BCKDHB: variants seen among roughly 807,000 people sequenced by gnomAD.
BCKDHB encodes branched chain keto acid dehydrogenase E1 subunit beta.
Under a neutral mutation model 48.5 loss-of-function variants are expected in BCKDHB, and 41 were observed. The observed-to-expected ratio is 0.85, with a 90% CI of 0.66 to 1.10. The LOEUF is 1.10. BCKDHB is among the 50% of genes least tolerant of loss of function. The pLI is 0.00. For missense variants in BCKDHB, 496 were observed against 494.2 expected, an observed-to-expected ratio of 1.00 and a Z score of -0.03; for synonymous variants, 201 against 174.8, an observed-to-expected ratio of 1.15 and a Z score of -1.18.
At chr6:80,304,185 T>C (rs945122960) in intron 9 of BCKDHB, among the ~76,000 whole-genome samples, 2 of 152,186 alleles carry the variant, frequency 1.3e-5, no homozygotes, top group Non-Finnish European at 2.9e-5. Context: ...TGTGGTATTT[T>C]TGTACATTCT....
intron 8 of BCKDHB, among the ~76,000 whole-genome samples, chr6:80,222,702 A>G (rs777798684): frequency 3.3e-4 from 50 of 152,090 alleles, no homozygotes; most frequent in Non-Finnish European, 6.9e-4. Context: ...AATTTTTAAT[A>G]TCCTTATCTA....
At chr6:80,438,228 C>T in the BCKDHB span, among the ~76,000 whole-genome samples, 1 of 152,232 alleles carries the variant, frequency 6.6e-6, no homozygotes, top group African/African-American at 2.4e-5. Context: ...ATAATTTGCA[C>T]ACTGTTCTGC....
At chr6:80,213,668 G>GTTT (rs76968746) in intron 8 of BCKDHB, among the ~76,000 whole-genome samples, 1 of 128,400 alleles carries the variant, frequency 7.8e-6, no homozygotes, top group African/African-American at 3.1e-5. Context: ...GTTTTTTTTT[G>GTTT]TTTTTTTTTT....
At chr6:80,403,340 T>G in the BCKDHB span, among the ~76,000 whole-genome samples, 42 of 152,042 alleles carry the variant, frequency 2.8e-4, no homozygotes, top group African/African-American at 9.6e-4. Flanking sequence ...CCTAAGTATT[T>G]TTATACCATT....
chr6:80,211,248 A>G (rs1301942164), intron 8 of BCKDHB, among the ~76,000 whole-genome samples: 3 of 152,228 alleles, frequency 2.0e-5, no homozygotes, highest in African/African-American at 4.8e-5. Flanking sequence ...TTACCTGAAG[A>G]TTAAATTATG....
chr6:80,319,813 T>C (rs1368131776), intron 9 of BCKDHB, among the ~76,000 whole-genome samples: 2 of 152,206 alleles, frequency 1.3e-5, no homozygotes, highest in Non-Finnish European at 2.9e-5. Context: ...AATTATAATC[T>C]TAAATAAAAG....
intron 6 of BCKDHB, among the ~76,000 whole-genome samples, chr6:80,178,064 T>C (rs1319989705): frequency 1.3e-5 from 2 of 152,190 alleles, no homozygotes; most frequent in African/African-American, 2.4e-5. Flanking sequence ...TCTTACCCAA[T>C]GTGGTTCTGA....
At chr6:80,460,912 T>C in the BCKDHB span, among the ~76,000 whole-genome samples, 4 of 152,154 alleles carry the variant, frequency 2.6e-5, no homozygotes, top group Non-Finnish European at 4.4e-5. Context: ...AACTCTTCCT[T>C]GGCATCTGAG....
chr6:80,403,045 A>G, the BCKDHB span, among the ~76,000 whole-genome samples: 2 of 151,238 alleles, frequency 1.3e-5, no homozygotes, highest in African/African-American at 4.8e-5. Context: ...TGAGGTGCCT[A>G]TAGCTTCGTT....
rs565044068 is a variant in BCKDHB at position 80,132,999 on chromosome 6, A to G, written c.343+3770A>G. ...AATTTGTATTTAAAATAACTAAAAGATTATGTTGATATAGTTCAATATAAC... is the reference window on the plus strand; with the variant it reads ...AATTTGTATTTAAAATAACTAAAAGGTTATGTTGATATAGTTCAATATAAC... On this transcript the variant is annotated intron_variant, in intron 3 of 9. Transcript: ENST00000320393. Among the ~76,000 whole-genome samples the G allele has an allele frequency of 2.7e-3, 411 of 152,318 alleles. 2 individuals are homozygous for G. Among genetic ancestry groups the G allele is most frequent in the African/African-American group, 9.1e-3 (380 of 41,566 alleles).
At chr6:80,293,232 G>A (rs1475071308) in intron 9 of BCKDHB, among the ~76,000 whole-genome samples, 1 of 152,210 alleles carries the variant, frequency 6.6e-6, no homozygotes, top group African/African-American at 2.4e-5. Context: ...TTCTCCCGGA[G>A]GGTTCTACCT....
intron 3 of BCKDHB, among the ~76,000 whole-genome samples, chr6:80,133,049 A>AT (rs1770711159): frequency 6.6e-6 from 1 of 152,200 alleles, no homozygotes; most frequent in African/African-American, 2.4e-5. Context: ...GCATTAAATG[A>AT]CATAGCAAAG....
the BCKDHB span, among the ~76,000 whole-genome samples, chr6:80,383,350 T>G: frequency 6.6e-6 from 1 of 152,174 alleles, no homozygotes; most frequent in African/African-American, 2.4e-5. Context: ...ATAATAGCAC[T>G]GTTCTATAAT....
chr6:80,267,764 G>A (rs535799423), intron 8 of BCKDHB, among the ~76,000 whole-genome samples: 41 of 152,154 alleles, frequency 2.7e-4, no homozygotes, highest in African/African-American at 8.9e-4. Context: ...ACAAATCATT[G>A]AGGAAAAAAT....
intron 9 of BCKDHB, among the ~76,000 whole-genome samples, chr6:80,280,646 T>TA (rs146640958): frequency 0.11 from 16,524 of 152,178 alleles, 1,113 homozygotes; most frequent in South Asian, 0.25. Context: ...TGTATATAAA[T>TA]AAAAATATAT....
chr6:80,246,194 T>C (rs540441559), intron 8 of BCKDHB, among the ~76,000 whole-genome samples: 1 of 152,330 alleles, frequency 6.6e-6, no homozygotes, highest in East Asian at 1.9e-4. Context: ...GTGAAAATTG[T>C]AAATTGTTAA....
rs1777648809 is a variant in BCKDHB, at chr6:80,269,557, C to T, written c.952-3578C>T. Among the ~76,000 whole-genome samples the T allele has an allele frequency of 2.0e-5, 3 of 151,944 alleles. No individual in the cohort carries two copies. In the South Asian group the frequency reaches 6.3e-4, roughly 32 times the overall value. On this transcript the variant is annotated intron_variant, in intron 8 of 9. Coordinates refer to ENST00000320393, the MANE Select transcript of BCKDHB (RefSeq NM_183050.4). ...CGTAACTCATTGGTGCTCCATCTGCCATAGCCCGGAATCCAGGAACAGTAC... is the reference window on the plus strand; with the variant it reads ...CGTAACTCATTGGTGCTCCATCTGCTATAGCCCGGAATCCAGGAACAGTAC...
chr6:80,221,271 C>T (rs1315795296), intron 8 of BCKDHB, among the ~76,000 whole-genome samples: 2 of 152,098 alleles, frequency 1.3e-5, no homozygotes, highest in African/African-American at 4.8e-5. Context: ...CATCACACAC[C>T]CACAAAAGAC....
chr6:80,133,827 G>A (rs1243793582), intron 3 of BCKDHB, among the ~76,000 whole-genome samples: 2 of 151,982 alleles, frequency 1.3e-5, no homozygotes, highest in South Asian at 4.2e-4. Flanking sequence ...ATTTTTAGTA[G>A]AGACGGGGTT....
Sources: allele counts gnomAD v4.1 joint callset (sites outside exome capture counted in the v4.1 genomes callset), GRCh38; gene constraint gnomAD v4.1.1; transcripts MANE v1.5; gene names NCBI Gene and HGNC (gene_info 2026-07-23, HGNC 2026-07-21).